Variants in GUCY1B1 observed in about 807,000 individuals in gnomAD.
GUCY1B1 encodes the protein guanylate cyclase soluble subunit beta-1.
A neutral mutation model predicts 71.0 loss-of-function variants in GUCY1B1; 43 were observed. The observed-to-expected ratio is 0.61, with a 90% CI of 0.47 to 0.78. The LOEUF is 0.78. Among genes scored for constraint, GUCY1B1 ranks in the 30% least tolerant of loss-of-function variants. GUCY1B1 has a pLI of 0.00. For synonymous variants in GUCY1B1, 266 were observed against 259.7 expected, an observed-to-expected ratio of 1.02 and a Z score of -0.23; for missense variants, 535 against 754.1, an observed-to-expected ratio of 0.71 and a Z score of 3.40.
In GUCY1B1 at chr4:155,807,662, A is replaced by G. The variant is rs1740406909; in HGVS notation, c.*1253A>G. ...CATTTTATTAATGCCATTATTTTGT[A>G]AATACATTTTACAATTTTGCCTATT... On this transcript the variant is annotated 3_prime_UTR_variant, in exon 14 of 14. Transcript: ENST00000264424. The G allele has an allele frequency of 6.6e-6, 1 of 152,106 alleles. No individual in the cohort carries two copies. Among genetic ancestry groups the G allele is most frequent in the African/African-American group, 2.4e-5 (1 of 41,434 alleles). The allele number at this position is 152,106 out of a possible 1,614,324, so 9.4% of individuals were successfully genotyped here.
intron 4 of GUCY1B1, chr4:155,785,178 A>G: frequency 1.8e-6 from 1 of 560,286 alleles, no homozygotes; most frequent in East Asian, 3.1e-5. Context: ...TATTAAATTA[A>G]AACCTTTAGG....
chr4:155,799,072 A>C (rs1371374430), intron 8 of GUCY1B1, among the ~76,000 whole-genome samples: 1 of 152,102 alleles, frequency 6.6e-6, no homozygotes, highest in African/African-American at 2.4e-5. Context: ...CCTGGCCTCA[A>C]GTGGTCTGCC....
At chr4:155,791,677 GC>G (rs1229482668) in intron 5 of GUCY1B1, among the ~76,000 whole-genome samples, 1 of 149,056 alleles carries the variant, frequency 6.7e-6, no homozygotes, top group East Asian at 2.0e-4. Context: ...GTTGCAGTGA[GC>G]CGAAATTTCG....
chr4:155,765,526 A>G (rs1313657083), intron 2 of GUCY1B1, among the ~76,000 whole-genome samples: 1 of 152,232 alleles, frequency 6.6e-6, no homozygotes, highest in Non-Finnish European at 1.5e-5. Flanking sequence ...AAGATAGTGA[A>G]GTTAAAGTGG....
At chr4:155,781,350 A>G (rs1738402798) in intron 4 of GUCY1B1, among the ~76,000 whole-genome samples, 1 of 152,188 alleles carries the variant, frequency 6.6e-6, no homozygotes, top group Non-Finnish European at 1.5e-5. Flanking sequence ...TTGTTTTCTC[A>G]CATGGAGGTT....
chr4:155,762,987 A>C (rs1419873062), intron 2 of GUCY1B1, among the ~76,000 whole-genome samples: 1 of 152,158 alleles, frequency 6.6e-6, no homozygotes, highest in Non-Finnish European at 1.5e-5. Flanking sequence ...TTCAATATTC[A>C]AATAGTCCTT....
At chr4:155,803,308 GAAATGTAA>G (rs1740085785) in intron 10 of GUCY1B1, among the ~76,000 whole-genome samples, 1 of 152,146 alleles carries the variant, frequency 6.6e-6, no homozygotes, top group Non-Finnish European at 1.5e-5. Context: ...GTTTTAGGTA[GAAATGTAA>G]AAAATTATTC....
At chr4:155,781,436 A>G (rs17033508) in intron 4 of GUCY1B1, among the ~76,000 whole-genome samples, 7,410 of 152,264 alleles carry the variant, frequency 0.049, 244 homozygotes, top group Non-Finnish European at 0.066. Context: ...CCAATATCCA[A>G]TTCATGACCC....
At chr4:155,804,053 A>G (rs1472511586) in intron 11 of GUCY1B1, among the ~76,000 whole-genome samples, 7 of 152,152 alleles carry the variant, frequency 4.6e-5, no homozygotes, top group Non-Finnish European at 7.4e-5. Flanking sequence ...GTCTCATGTA[A>G]GTTACTAGAT....
chr4:155,789,998 A>T, intron 5 of GUCY1B1, 87 bp downstream of exon 5: 1 of 838,730 alleles, frequency 1.2e-6, no homozygotes, highest in Non-Finnish European at 2.0e-6. Flanking sequence ...TGCAGTTATC[A>T]CTGTTAGTGC....
rs528269112 is a variant in GUCY1B1, at chr4:155,759,780, C to A, written c.4-7C>A. 1 of 1,609,784 alleles carries A rather than the reference C, an allele frequency of 6.2e-7. No individual in the cohort carries two copies. The highest frequency in any genetic ancestry group is 2.2e-5 in the East Asian group (1 of 44,730). On this transcript the variant is annotated splice_region_variant and splice_polypyrimidine_tract_variant and intron_variant, in intron 1 of 13. Coordinates refer to ENST00000264424, the MANE Select transcript of GUCY1B1 (RefSeq NM_000857.5). Reference sequence around the variant, plus strand: ...CCTGACGCTCAAGTCTCTCCCTGTCCCCGCAGTACGGATTTGTGAATCACG... The same window carrying A: ...CCTGACGCTCAAGTCTCTCCCTGTCACCGCAGTACGGATTTGTGAATCACG...
Position 155,802,342 on chromosome 4 carries a change from A to C in GUCY1B1, c.1176A>C (p.Thr392=), listed in dbSNP as rs1740011757. ...GCTTTCTGCTGATCCCACTGAACAG[A>C]TTGCTGTATTCTGTCCTTCCTCCGT... ...ALEDEKKKTD[T]LLYSVLPPSV... The change falls in exon 10 of 14, where the codon ACA becomes ACC. Residue 392 remains threonine (T), a splice_region_variant and synonymous_variant. Transcript: ENST00000264424. The surrounding 1 kb of genome is among the most constrained non-coding windows in gnomAD (Gnocchi z 4.3). 3 of 1,613,608 alleles carry C rather than the reference A, an allele frequency of 1.9e-6. No homozygotes were observed. Among genetic ancestry groups the C allele is most frequent in the Non-Finnish European group, 2.5e-6 (3 of 1,179,802 alleles).
intron 2 of GUCY1B1, among the ~76,000 whole-genome samples, chr4:155,773,124 A>G (rs148937816): frequency 2.0e-5 from 3 of 152,346 alleles, no homozygotes; most frequent in Non-Finnish European, 1.5e-5. Context: ...TTCTCTTGGC[A>G]ATGTACAGGG....
intron 2 of GUCY1B1, among the ~76,000 whole-genome samples, chr4:155,770,919 A>T (rs928114129): frequency 3.3e-5 from 5 of 152,172 alleles, no homozygotes; most frequent in Non-Finnish European, 4.4e-5. Context: ...TTCATAACAT[A>T]TTATATCATT....
intron 5 of GUCY1B1, among the ~76,000 whole-genome samples, chr4:155,793,464 C>A (rs1260347683): frequency 6.6e-6 from 1 of 152,166 alleles, no homozygotes; most frequent in Non-Finnish European, 1.5e-5. Flanking sequence ...CATTTTATTT[C>A]CCATTGTTTT....
At chr4:155,778,881 T>C (rs1169745249) in intron 4 of GUCY1B1, among the ~76,000 whole-genome samples, 1 of 152,240 alleles carries the variant, frequency 6.6e-6, no homozygotes, top group Non-Finnish European at 1.5e-5. Flanking sequence ...TAGCAAAGTT[T>C]CAACTTTCAG....
At chr4:155,774,264 C>T (rs1737888753) in intron 2 of GUCY1B1, among the ~76,000 whole-genome samples, 1 of 152,116 alleles carries the variant, frequency 6.6e-6, no homozygotes, top group African/African-American at 2.4e-5. Context: ...CTGTTCCAGC[C>T]ACATTGGCCT....
rs72974444 is a variant in GUCY1B1, at chr4:155,790,296, A to G, written c.495+385A>G. On this transcript the variant is annotated intron_variant, in intron 5 of 13. Coordinates refer to ENST00000264424, the MANE Select transcript of GUCY1B1 (RefSeq NM_000857.5). ...GCAATATAAAATTAAGTATTATTTT[A>G]TAGATCATTTTCTCTTTGTCGATTT... Among the ~76,000 whole-genome samples the G allele has an allele frequency of 6.8e-3, 1,043 of 152,334 alleles. 15 individuals carry two copies. The highest frequency in any genetic ancestry group is 0.024 in the African/African-American group (1,010 of 41,574).
intron 12 of GUCY1B1, 139 bp downstream of exon 12, chr4:155,804,886 T>C: frequency 1.2e-6 from 1 of 818,356 alleles, no homozygotes; most frequent in Non-Finnish European, 1.9e-6. Flanking sequence ...GTTGTTTACT[T>C]TTTATTTGAG....
Sources: allele counts gnomAD v4.1 joint callset (sites outside exome capture counted in the v4.1 genomes callset), GRCh38; gene constraint gnomAD v4.1.1; non-coding constraint Gnocchi (gnomAD v3.1); transcripts MANE v1.5; gene names NCBI Gene and HGNC (gene_info 2026-07-23, HGNC 2026-07-21).